PDE1C: variants seen among roughly 807,000 people sequenced by gnomAD.
PDE1C encodes phosphodiesterase 1C.
In PDE1C, 62 loss-of-function variants were observed where a neutral mutation model predicts 93.1. The ratio of observed to expected loss-of-function variants is 0.67; its 90% confidence interval spans 0.54 to 0.82. The LOEUF is 0.82. Ranked by LOEUF, PDE1C falls within the 40% of genes least tolerant of loss-of-function variation. The pLI, the probability that PDE1C is intolerant of heterozygous loss-of-function variation, is 0.00. For synonymous variants in PDE1C, 325 were observed against 310.1 expected (o/e 1.05, Z -0.50); for missense variants, 742 against 884.6 (o/e 0.84, Z 2.04).
the PDE1C span, chr7:31,642,597 C>G: frequency 3.2e-6 from 4 of 1,232,730 alleles, no homozygotes; most frequent in Admixed American, 1.0e-4. Context: ...ACTCCTAAGG[C>G]AATGACAAGA....
chr7:31,832,098 C>T (rs1416178258), intron 11 of PDE1C, among the ~76,000 whole-genome samples: 2 of 151,970 alleles, frequency 1.3e-5, no homozygotes, highest in South Asian at 4.1e-4. Context: ...AATAAAAAGG[C>T]CAGTGAAGGC....
intron 2 of PDE1C, among the ~76,000 whole-genome samples, chr7:31,895,739 G>A (rs573906022): frequency 2.6e-4 from 39 of 152,040 alleles, no homozygotes; most frequent in African/African-American, 7.5e-4. Flanking sequence ...TGGTTTTCCC[G>A]TGCTGTTCTC....
the PDE1C span, among the ~76,000 whole-genome samples, chr7:31,683,425 A>ATT: frequency 5.5e-4 from 84 of 151,836 alleles, no homozygotes; most frequent in Non-Finnish European, 9.1e-4. Context: ...AATATTTTCT[A>ATT]TTTTTTTTCA....
At chr7:31,743,385 T>C in the PDE1C span, among the ~76,000 whole-genome samples, 1 of 152,138 alleles carries the variant, frequency 6.6e-6, no homozygotes, top group Non-Finnish European at 1.5e-5. Flanking sequence ...TGGAATGTGC[T>C]TATCTGTCCT....
chr7:31,704,654 C>T, the PDE1C span, among the ~76,000 whole-genome samples: 3 of 152,110 alleles, frequency 2.0e-5, no homozygotes, highest in African/African-American at 7.2e-5. Context: ...TGGCTGCAGC[C>T]ACAATGTAGG....
intron 2 of PDE1C, among the ~76,000 whole-genome samples, chr7:31,991,460 T>C (rs1236471098): frequency 6.6e-6 from 1 of 152,218 alleles, no homozygotes; most frequent in South Asian, 2.1e-4. Flanking sequence ...TACCAGTTAC[T>C]AGCTCTGCAG....
chr7:32,017,981 G>A (rs1788135963), intron 2 of PDE1C, among the ~76,000 whole-genome samples: 1 of 151,984 alleles, frequency 6.6e-6, no homozygotes, highest in Non-Finnish European at 1.5e-5. Context: ...TTGGGAGGCT[G>A]AGGTAGGAGG....
intron 2 of PDE1C, among the ~76,000 whole-genome samples, chr7:31,884,614 T>A (rs1435653235): frequency 6.6e-6 from 1 of 152,174 alleles, no homozygotes; most frequent in Non-Finnish European, 1.5e-5. Flanking sequence ...CCCTTTCAAA[T>A]TCTGTTGAGC....
intron 17 of PDE1C, among the ~76,000 whole-genome samples, chr7:31,770,667 T>A (rs1386318555): frequency 6.6e-6 from 1 of 152,126 alleles, no homozygotes; most frequent in East Asian, 1.9e-4. Context: ...CCCATCACCA[T>A]GCCCGGCTAA....
intron 2 of PDE1C, among the ~76,000 whole-genome samples, chr7:31,937,683 T>A (rs79138193): frequency 1.6e-4 from 24 of 152,326 alleles, no homozygotes; most frequent in South Asian, 4.1e-4. Context: ...AAGACAATGT[T>A]TTAAAGTCTG....
the PDE1C span, among the ~76,000 whole-genome samples, chr7:31,729,533 T>C: frequency 6.6e-6 from 1 of 152,222 alleles, no homozygotes; most frequent in African/African-American, 2.4e-5. Flanking sequence ...ACTTCAGCAT[T>C]ACCTGCTGAC....
chr7:32,373,555 T>C (rs1784368085), intron 1 of PDE1C, among the ~76,000 whole-genome samples: 1 of 152,264 alleles, frequency 6.6e-6, no homozygotes, highest in African/African-American at 2.4e-5. Context: ...ATCATGGTAG[T>C]GGTTGTGCAA....
chr7:31,764,364 T>G (rs954992459), intron 17 of PDE1C, among the ~76,000 whole-genome samples: 4 of 152,130 alleles, frequency 2.6e-5, no homozygotes, highest in Non-Finnish European at 4.4e-5. Context: ...CAGGATGGTC[T>G]CAAACTCCTG....
chr7:32,399,067 A>T (rs771191419), intron 1 of PDE1C, among the ~76,000 whole-genome samples: 1 of 152,170 alleles, frequency 6.6e-6, no homozygotes, highest in Non-Finnish European at 1.5e-5. Flanking sequence ...ATATGGTGTG[A>T]ATACAGGGAC....
intron 3 of PDE1C, among the ~76,000 whole-genome samples, chr7:32,166,966 T>A (rs549040821): frequency 6.6e-6 from 1 of 152,178 alleles, no homozygotes; most frequent in Non-Finnish European, 1.5e-5. Context: ...AGGCTTTCTC[T>A]CTCCAAGCCA....
intron 2 of PDE1C, among the ~76,000 whole-genome samples, chr7:32,205,989 G>C (rs183950819): frequency 6.6e-6 from 1 of 152,150 alleles, no homozygotes; most frequent in African/African-American, 2.4e-5. Context: ...TGAAGTCAGC[G>C]AGACCAAGAA....
the PDE1C span, chr7:31,707,398 C>A: frequency 2.5e-6 from 2 of 815,058 alleles, no homozygotes; most frequent in South Asian, 3.7e-5. Flanking sequence ...CTTGAAGATT[C>A]AGACACCTTC....
At chr7:32,099,448 A>G (rs1264037078) in intron 3 of PDE1C, among the ~76,000 whole-genome samples, 2 of 152,218 alleles carry the variant, frequency 1.3e-5, no homozygotes, top group African/African-American at 4.8e-5. Flanking sequence ...GTTGTCATCT[A>G]GAAGAAAAAT....
Position 31,824,950 on chromosome 7 carries a change from C to T in PDE1C, c.1323G>A (p.Val441=). The T allele has an allele frequency of 6.2e-7, 1 of 1,613,384 alleles. No individual in the cohort carries two copies. Among genetic ancestry groups the T allele is most frequent in the Non-Finnish European group, 8.5e-7 (1 of 1,179,520 alleles). ...IDFIVEPTFT[V]LTDMTEKIVS... is the part of the protein sequence containing the mutation. ...CAATCTTCTCGGTCATGTCCGTAAG[C>T]ACAGTGAAGGTGGGTTCCACGATGA... Residue 441 remains valine (V), a synonymous_variant, in exon 13 of 18, where the codon GTG becomes GTA. Coordinates refer to ENST00000396191, the MANE Select transcript of PDE1C (RefSeq NM_001191057.4).
Sources: allele counts gnomAD v4.1 joint callset (sites outside exome capture counted in the v4.1 genomes callset), GRCh38; gene constraint gnomAD v4.1.1; transcripts MANE v1.5; gene names NCBI Gene and HGNC (gene_info 2026-07-23, HGNC 2026-07-21).